The following IQUB variants were observed in gnomAD, a reference collection of about 807,000 sequenced individuals.
IQUB encodes the protein IQ motif and ubiquitin domain containing, also known as IQ motif and ubiquitin-like domain-containing protein.
In IQUB, 86 loss-of-function variants were observed where a neutral mutation model predicts 86.4. That is an observed-to-expected ratio of 1.00 (90% CI 0.84 to 1.19). The LOEUF (loss-of-function observed/expected upper bound fraction) is 1.19, where lower values mean the gene tolerates loss of function less well. Ranked by LOEUF, IQUB falls within the 50% of genes most tolerant of loss-of-function variation. IQUB has a pLI of 0.00. For synonymous variants in IQUB, 289 were observed against 304.5 expected, an observed-to-expected ratio of 0.95 and a Z score of 0.53; for missense variants, 946 against 916.9, an observed-to-expected ratio of 1.03 and a Z score of -0.41.
chr7:123,531,188 T>C (rs1449607678), intron 1 of IQUB, among the ~76,000 whole-genome samples: 2 of 152,154 alleles, frequency 1.3e-5, no homozygotes, highest in African/African-American at 2.4e-5. Context: ...GCATTATATA[T>C]ATAAAACAAA....
At chr7:123,520,546 G>T (rs1216428361) in intron 1 of IQUB, among the ~76,000 whole-genome samples, 1 of 152,164 alleles carries the variant, frequency 6.6e-6, no homozygotes, top group Non-Finnish European at 1.5e-5. Context: ...AATAAGCAAG[G>T]CATGAGGACA....
intron 10 of IQUB, 30 bp from the exon 11 acceptor site, chr7:123,461,635 G>A: frequency 1.3e-6 from 2 of 1,508,926 alleles, no homozygotes; most frequent in Non-Finnish European, 1.8e-6. Flanking sequence ...AGAAAAAAAA[G>A]GTCTAAAAAG....
intron 10 of IQUB, among the ~76,000 whole-genome samples, chr7:123,463,843 C>A (rs1794120297): frequency 6.6e-6 from 1 of 151,524 alleles, no homozygotes; most frequent in South Asian, 2.1e-4. Context: ...TGTATTACTC[C>A]AAATATAAAC....
intron 1 of IQUB, among the ~76,000 whole-genome samples, chr7:123,531,075 A>G (rs1437233387): frequency 6.6e-6 from 1 of 152,218 alleles, no homozygotes; most frequent in East Asian, 1.9e-4. Context: ...CACAGAGTGC[A>G]TTAGGTTCGG....
chr7:123,512,548 T>C (rs1441132649), intron 1 of IQUB, among the ~76,000 whole-genome samples: 1 of 152,206 alleles, frequency 6.6e-6, no homozygotes, highest in African/African-American at 2.4e-5. Flanking sequence ...AAAGAATATA[T>C]GGAAAAACAT....
At chr7:123,452,995 C>T in intron 12 of IQUB, 70 bp from the exon 13 acceptor site, 3 of 1,155,572 alleles carry the variant, frequency 2.6e-6, no homozygotes, top group Non-Finnish European at 3.6e-6. Context: ...TACTGTCATG[C>T]CTCGGTGCCT....
At chr7:123,498,105 G>A (rs1280800412) in intron 6 of IQUB, among the ~76,000 whole-genome samples, 2 of 150,970 alleles carry the variant, frequency 1.3e-5, no homozygotes, top group African/African-American at 4.9e-5. Flanking sequence ...CAGAAAACTA[G>A]GTTTCTCCCA....
chr7:123,491,657 C>A (rs1795470688), intron 7 of IQUB, among the ~76,000 whole-genome samples: 3 of 152,144 alleles, frequency 2.0e-5, no homozygotes, highest in South Asian at 4.1e-4. Flanking sequence ...CACATGAATA[C>A]CCCTATATTT....
At chr7:123,495,055 G>A (rs936206129) in intron 7 of IQUB, among the ~76,000 whole-genome samples, 38 of 152,166 alleles carry the variant, frequency 2.5e-4, no homozygotes, top group African/African-American at 8.7e-4. Context: ...CCTGGCTAAC[G>A]ATGTTCTCTA....
intron 12 of IQUB, among the ~76,000 whole-genome samples, chr7:123,454,896 T>C (rs1328244738): frequency 6.6e-6 from 1 of 152,048 alleles, no homozygotes; most frequent in African/African-American, 2.4e-5. Context: ...CTGGCTGAGG[T>C]AGTGTTTGTC....
At chr7:123,461,252 G>A in intron 11 of IQUB, 105 bp downstream of exon 11, 1 of 1,158,304 alleles carries the variant, frequency 8.6e-7, no homozygotes. Flanking sequence ...TAGTGGAATA[G>A]AGAGTCATTA....
rs1489199379 is a variant in IQUB, at chr7:123,486,147, T to C, written c.1235-6177A>G. ...AGGGTTTTACGTTAGACTGATATTTTTGATAAATCACTCTGGCCACAGTAT... is the reference window on the plus strand; with the variant it reads ...AGGGTTTTACGTTAGACTGATATTTCTGATAAATCACTCTGGCCACAGTAT... On this transcript the variant is annotated intron_variant, in intron 7 of 12. Transcript: ENST00000324698. Among the ~76,000 whole-genome samples, 4 of 152,190 alleles carry C rather than the reference T, an allele frequency of 2.6e-5. No homozygotes were observed. In the South Asian group the frequency reaches 8.3e-4, roughly 32 times the overall value.
chr7:123,491,721 T>C (rs1431407787), intron 7 of IQUB, among the ~76,000 whole-genome samples: 5 of 152,216 alleles, frequency 3.3e-5, no homozygotes, highest in Admixed American at 3.3e-4. Context: ...ATTCCAGACC[T>C]AGTTGGTGTC....
At chr7:123,465,543 A>G (rs1794212625) in intron 9 of IQUB, among the ~76,000 whole-genome samples, 1 of 151,980 alleles carries the variant, frequency 6.6e-6, no homozygotes, top group Non-Finnish European at 1.5e-5. Context: ...ATAGGTCACA[A>G]TATTTTTTAT....
chr7:123,509,814 T>C, intron 3 of IQUB, 87 bp downstream of exon 3: 1 of 1,125,596 alleles, frequency 8.9e-7, no homozygotes, highest in Non-Finnish European at 1.3e-6. Flanking sequence ...AGTACCAAGA[T>C]ATTTAGTTTT....
chr7:123,534,479 T>C lies in IQUB; in HGVS notation c.-5+13A>G, dbSNP rs12154584. Reference sequence around the variant, plus strand: ...TCGGACCAGGAGGCCGCAGTCAAAATCTGTTCTCCTACCTGTGTACGAAAC... The same window carrying C: ...TCGGACCAGGAGGCCGCAGTCAAAACCTGTTCTCCTACCTGTGTACGAAAC... On this transcript the variant is annotated intron_variant, in intron 1 of 12. Coordinates refer to ENST00000324698, the MANE Select transcript of IQUB (RefSeq NM_178827.5). 0.38 allele frequency: 57,622 copies of C among 152,564 alleles called. 11,066 individuals are homozygous for C. Among genetic ancestry groups the C allele is most frequent in the African/African-American group, 0.44 (18,298 of 41,452 alleles). 9.5% of individuals were successfully genotyped at this position (152,564 alleles called of 1,614,324 possible).
Position 123,452,822 on chromosome 7 carries a change from C to A in IQUB, c.2297G>T (p.Gly766Val). Reference sequence around the variant, plus strand: ...CTTCCATCTGATCTCATCAATTTCACCATCATCAAGTATAAATGAAGCCAG... The same window carrying A: ...CTTCCATCTGATCTCATCAATTTCAACATCATCAAGTATAAATGAAGCCAG... ...PVLASFILDDGEIDEIRWKYH... is the reference protein window; with the variant it reads ...PVLASFILDDVEIDEIRWKYH... The change falls in exon 13 of 13, where the codon GGT becomes GTT. Residue 766 changes from glycine (G) to valine (V), a missense_variant. Physicochemically the swap from Gly to Val is moderately radical, Grantham distance 109 (BLOSUM62 -3). Transcript: ENST00000324698. 1.2e-6 allele frequency: 2 copies of A among 1,613,448 alleles called. No individual in the cohort carries two copies. The highest frequency in any genetic ancestry group is 1.7e-6 in the Non-Finnish European group (2 of 1,179,534).
rs138880477 is a variant in IQUB at position 123,479,111 on chromosome 7, C to T, written c.1410+684G>A. 8.9e-3 allele frequency among the ~76,000 whole-genome samples: 1,352 copies of T among 152,124 alleles called. 17 individuals carry two copies. Among genetic ancestry groups the T allele is most frequent in the African/African-American group, 0.03 (1,265 of 41,498 alleles). ...ATAATAAGAACCATAGAAATAGAAG[C>T]ACTACAGGCTAACATCTTAGAGAAA... On this transcript the variant is annotated intron_variant, in intron 8 of 12. Transcript: ENST00000324698.
chr7:123,527,332 A>AC (rs1797279540), intron 1 of IQUB, among the ~76,000 whole-genome samples: 1 of 152,194 alleles, frequency 6.6e-6, no homozygotes. Flanking sequence ...GTCATTCTCC[A>AC]TCCAGCTTTG....
Sources: gnomAD v4.1 joint callset for allele counts (sites outside exome capture counted in the v4.1 genomes callset) on GRCh38, gnomAD v4.1.1 for gene constraint, MANE v1.5 for transcripts, NCBI Gene and HGNC (gene_info 2026-07-23, HGNC 2026-07-21) for gene names.